The following ANKS1B variants were observed in gnomAD, a reference collection of about 807,000 sequenced individuals.
ANKS1B encodes the protein ankyrin repeat and sterile alpha motif domain-containing protein 1B.
In ANKS1B, 36 loss-of-function variants were observed where a neutral mutation model predicts 148.3. That is an observed-to-expected ratio of 0.24 (90% confidence interval 0.19 to 0.32). ANKS1B has a LOEUF of 0.32. Among genes scored for constraint, ANKS1B ranks in the 10% least tolerant of loss-of-function variants. The pLI is 1.00. For synonymous variants in ANKS1B, 542 were observed against 560.8 expected, an observed-to-expected ratio of 0.97 and a Z score of 0.47; for missense variants, 1,157 against 1,542.6, an observed-to-expected ratio of 0.75 and a Z score of 4.19.
At chr12:99,111,541 T>C (rs2060290278) in intron 15 of ANKS1B, among the ~76,000 whole-genome samples, 1 of 152,096 alleles carries the variant, frequency 6.6e-6, no homozygotes, top group Non-Finnish European at 1.5e-5. Flanking sequence ...AGGTGTTTTT[T>C]TTTTTCATAG....
At chr12:99,679,580 G>C (rs2098602459) in intron 8 of ANKS1B, among the ~76,000 whole-genome samples, 1 of 151,978 alleles carries the variant, frequency 6.6e-6, no homozygotes, top group South Asian at 2.1e-4. Context: ...AAAGTGCTGG[G>C]ATAACAGGTG....
intron 1 of ANKS1B, among the ~76,000 whole-genome samples, chr12:99,898,571 A>G (rs2093470937): frequency 6.6e-6 from 1 of 152,204 alleles, no homozygotes; most frequent in South Asian, 2.1e-4. Context: ...AGCCAAGCTC[A>G]GCCCTAGGCA....
chr12:98,759,161 G>T (rs1232028360), intron 25 of ANKS1B, among the ~76,000 whole-genome samples: 3 of 152,100 alleles, frequency 2.0e-5, no homozygotes, highest in African/African-American at 7.2e-5. Flanking sequence ...AAATCCTAAG[G>T]CAATCAAGGG....
intron 17 of ANKS1B, among the ~76,000 whole-genome samples, chr12:98,889,366 A>T (rs1372866595): frequency 5.5e-5 from 8 of 146,778 alleles, no homozygotes; most frequent in African/African-American, 1.8e-4. Flanking sequence ...TTTTTTTTTG[A>T]GACAGTGTTT....
intron 8 of ANKS1B, among the ~76,000 whole-genome samples, chr12:99,671,640 A>G (rs1190175492): frequency 1.3e-5 from 2 of 152,146 alleles, no homozygotes; most frequent in Non-Finnish European, 2.9e-5. Context: ...CTAAGTCATG[A>G]TAAATCATCA....
chr12:99,471,947 T>A (rs2096249003), intron 10 of ANKS1B, among the ~76,000 whole-genome samples: 1 of 152,168 alleles, frequency 6.6e-6, no homozygotes. Context: ...TAGTGGTCCC[T>A]TATTAAATGC....
intron 10 of ANKS1B, among the ~76,000 whole-genome samples, chr12:99,490,268 G>T (rs1262854747): frequency 6.6e-6 from 1 of 152,222 alleles, no homozygotes; most frequent in Non-Finnish European, 1.5e-5. Context: ...AGGAAACACT[G>T]AATTATTTGA....
At chr12:99,396,404 T>C (rs1284367882) in intron 12 of ANKS1B, among the ~76,000 whole-genome samples, 1 of 152,202 alleles carries the variant, frequency 6.6e-6, no homozygotes, top group Admixed American at 6.5e-5. Flanking sequence ...TCCTTTTTAA[T>C]GTAAAGCAAA....
At chr12:99,592,614 A>C (rs2153247048) in intron 9 of ANKS1B, among the ~76,000 whole-genome samples, 1 of 152,274 alleles carries the variant, frequency 6.6e-6, no homozygotes, top group East Asian at 1.9e-4. Context: ...GAAGAGAAAG[A>C]AGATGAAGAC....
At chr12:98,824,095 T>G (rs1299355886) in intron 19 of ANKS1B, among the ~76,000 whole-genome samples, 1 of 152,236 alleles carries the variant, frequency 6.6e-6, no homozygotes, top group African/African-American at 2.4e-5. Flanking sequence ...CACTTGATAT[T>G]TTATCTAACA....
In ANKS1B at chr12:99,210,572, T is replaced by G. The variant is rs114099361; in HGVS notation, c.2419+33770A>C. Among the ~76,000 whole-genome samples, 1,313 of 152,328 alleles carry G rather than the reference T, an allele frequency of 8.6e-3. 24 individuals carry two copies. The highest frequency in any genetic ancestry group is 0.03 in the African/African-American group (1,259 of 41,568). On this transcript the variant is annotated intron_variant, in intron 14 of 26. Coordinates refer to ENST00000683438, the MANE Select transcript of ANKS1B (RefSeq NM_001352186.2). ...AATTGCTGTTCAAATTGTACTAGTG[T>G]TCCCTTTTATAGGGTAAAACTTCTA...
chr12:99,983,726 T>C (rs567861081), intron 1 of ANKS1B, among the ~76,000 whole-genome samples: 3 of 152,332 alleles, frequency 2.0e-5, no homozygotes, highest in Non-Finnish European at 2.9e-5. Flanking sequence ...AGAGATTCTC[T>C]GCCAATTTCA....
At chr12:99,872,431 CAG>C (rs1372698597) in intron 1 of ANKS1B, among the ~76,000 whole-genome samples, 1 of 151,862 alleles carries the variant, frequency 6.6e-6, no homozygotes, top group Non-Finnish European at 1.5e-5. Context: ...TTTTTTTAAT[CAG>C]GGGAAAAATA....
At chr12:99,256,615 C>T (rs1192831318) in intron 12 of ANKS1B, among the ~76,000 whole-genome samples, 1 of 152,086 alleles carries the variant, frequency 6.6e-6, no homozygotes, top group Non-Finnish European at 1.5e-5. Context: ...ATTTTACTCT[C>T]ATTTATTTAA....
intron 9 of ANKS1B, among the ~76,000 whole-genome samples, chr12:99,560,889 C>G (rs1201899325): frequency 8.1e-6 from 1 of 122,862 alleles, no homozygotes; most frequent in Non-Finnish European, 1.6e-5. Context: ...CACTCTCCTT[C>G]AGGCTGTAGT....
intron 10 of ANKS1B, among the ~76,000 whole-genome samples, chr12:99,460,980 AAT>A (rs1461187659): frequency 1.3e-5 from 2 of 152,012 alleles, no homozygotes; most frequent in African/African-American, 4.8e-5. Context: ...CAATTGCAAA[AAT>A]ATAGAACCAG....
intron 17 of ANKS1B, among the ~76,000 whole-genome samples, chr12:98,931,012 G>A (rs1342016702): frequency 6.6e-6 from 1 of 151,936 alleles, no homozygotes; most frequent in African/African-American, 2.4e-5. Flanking sequence ...GGCAGCTCTG[G>A]CAGAAAATGA....
At chr12:98,982,651 C>T (rs1358804431) in intron 17 of ANKS1B, among the ~76,000 whole-genome samples, 1 of 152,178 alleles carries the variant, frequency 6.6e-6, no homozygotes, top group African/African-American at 2.4e-5. Context: ...TAAATGGAAT[C>T]ATTTGCATAT....
rs1331317411 is a variant in ANKS1B at position 98,744,414 on chromosome 12, G to A, written c.*1325C>T. The A allele has an allele frequency of 1.6e-5, 14 of 863,672 alleles. No homozygotes were observed. In the East Asian group the frequency reaches 7.3e-4, roughly 45 times the overall value. The allele number at this position is 863,672 out of a possible 1,614,324, so 53.5% of individuals were successfully genotyped here. On this transcript the variant is annotated 3_prime_UTR_variant, in exon 27 of 27. Transcript: ENST00000683438. ...GACAATTCCACAATTTATCAATATC[G>A]CTATAATGAACTTCAAAATGATTCA... is the stretch of plus-strand genomic sequence containing the variant.
Sources: allele counts gnomAD v4.1 joint callset (sites outside exome capture counted in the v4.1 genomes callset), GRCh38; gene constraint gnomAD v4.1.1; transcripts MANE v1.5; gene names NCBI Gene and HGNC (gene_info 2026-07-23, HGNC 2026-07-21).